The following OPTN variants were observed in gnomAD, a reference collection of about 807,000 sequenced individuals.
OPTN encodes optineurin.
Under a neutral mutation model 70.4 loss-of-function variants are expected in OPTN, and 54 were observed. That is an observed-to-expected ratio of 0.77 (90% CI 0.62 to 0.96). The LOEUF is 0.96. Among genes scored for constraint, OPTN ranks in the 40% least tolerant of loss-of-function variants. The pLI is 0.00. For missense variants in OPTN, 624 were observed against 673.2 expected (o/e 0.93, Z 0.81); for synonymous variants, 256 against 248.5 (o/e 1.03, Z -0.28).
intron 5 of OPTN, among the ~76,000 whole-genome samples, chr10:13,114,151 G>T (rs768100434): frequency 6.6e-6 from 1 of 152,016 alleles, no homozygotes; most frequent in Non-Finnish European, 1.5e-5. Context: ...GAGGAGTGGG[G>T]AACAACTTGC....
Position 13,109,254 on chromosome 10 carries a change from G to C in OPTN, c.132G>C (p.Met44Ile). 6.2e-7 allele frequency: 1 copy of C among 1,613,992 alleles called. No homozygotes were observed. The highest frequency in any genetic ancestry group is 1.6e-4 in the Middle Eastern group (1 of 6,062). The change falls in exon 3 of 15, where the codon ATG becomes ATC. Residue 44 changes from methionine (M) to isoleucine (I), a missense_variant. Coordinates refer to ENST00000378747, the MANE Select transcript of OPTN (RefSeq NM_001008212.2). ...TFTPEELLQQ[M>I]KELLTENHQL... ...CCCCGGAGGAGCTGCTGCAGCAGATGAAAGAGCTCCTGACCGAGAACCACC... is the reference window on the plus strand; with the variant it reads ...CCCCGGAGGAGCTGCTGCAGCAGATCAAAGAGCTCCTGACCGAGAACCACC...
chr10:13,121,962 TTTG>T, intron 7 of OPTN, among the ~76,000 whole-genome samples: 1 of 152,354 alleles, frequency 6.6e-6, no homozygotes, highest in African/African-American at 2.4e-5. Context: ...TGTTACTTTT[TTTG>T]TTGTCGTTTA....
chr10:13,130,643 T>C (rs1437368883), intron 12 of OPTN, among the ~76,000 whole-genome samples: 1 of 152,078 alleles, frequency 6.6e-6, no homozygotes, highest in Non-Finnish European at 1.5e-5. Context: ...TCCCTTAAAA[T>C]GATCTCTTTA....
Position 13,104,882 on chromosome 10 carries a change from C to A in OPTN, c.-163-3256C>A, listed in dbSNP as rs1832831148. ...AGCATGGGGGTGACCAGGGGCCCGA[C>A]CGCAGGACCGGGAGGCGAGTCGGCC... is the stretch of plus-strand genomic sequence containing the variant. On this transcript the variant is annotated intron_variant, in intron 1 of 14. Transcript: ENST00000378747. 3 of 299,140 alleles carry A rather than the reference C, an allele frequency of 1.0e-5. 1 individual carries two copies. The highest frequency in any genetic ancestry group is 1.9e-5 in the Non-Finnish European group (3 of 157,766). The allele number at this position is 299,140 out of a possible 1,614,324, so 18.5% of individuals were successfully genotyped here. A position where few individuals can be genotyped will look rare whatever the true frequency, so the allele number is the denominator to read the frequency against.
At chr10:13,120,291 C>T (rs1048064780) in intron 7 of OPTN, among the ~76,000 whole-genome samples, 1 of 152,136 alleles carries the variant, frequency 6.6e-6, no homozygotes, top group South Asian at 2.1e-4. Context: ...CCCGGCTGAT[C>T]TGCAACTATT....
chr10:13,100,490 G>C (rs1255750620), intron 1 of OPTN, among the ~76,000 whole-genome samples, 188 bp downstream of exon 1: 2 of 152,230 alleles, frequency 1.3e-5, no homozygotes, highest in Non-Finnish European at 2.9e-5. Flanking sequence ...CCCAAGCCTC[G>C]GCGGGTCCTG....
At chr10:13,130,361 G>A (rs1025195115) in intron 12 of OPTN, among the ~76,000 whole-genome samples, 4 of 140,596 alleles carry the variant, frequency 2.8e-5, no homozygotes, top group Admixed American at 7.9e-5. Context: ...GGAGGCAGAG[G>A]TTGCAGTGAG....
chr10:13,104,894 G>A (rs1832831753), intron 1 of OPTN: 3 of 283,254 alleles, frequency 1.1e-5, no homozygotes, highest in African/African-American at 6.8e-5. Context: ...GCAGGACCGG[G>A]AGGCGAGTCG....
rs56147136 is a variant in OPTN, at chr10:13,128,502, C to CTT, written c.1401+630_1401+631dup. 1.7e-3 allele frequency among the ~76,000 whole-genome samples: 58 copies of CTT among 33,432 alleles called. 4 individuals carry two copies. The highest frequency in any genetic ancestry group is 4.7e-3 in the East Asian group (7 of 1,504). 21.9% of individuals were successfully genotyped at this position (33,432 alleles called of 152,430 possible). On this transcript the variant is annotated intron_variant, in intron 12 of 14. Transcript: ENST00000378747. ...TTGTGAAGTGCCTTATCAAGCCTGC[C>CTT]TTTTTTTTTTTTTTTTTTTTTTTTT... is the stretch of plus-strand genomic sequence containing the variant.
chr10:13,133,797 C>A (rs1433508149), intron 14 of OPTN, among the ~76,000 whole-genome samples: 3 of 152,050 alleles, frequency 2.0e-5, no homozygotes, highest in Admixed American at 2.0e-4. Context: ...CCTGGCACGG[C>A]CACACTTTTT....
intron 12 of OPTN, among the ~76,000 whole-genome samples, chr10:13,128,306 T>C (rs1377712498): frequency 1.3e-4 from 19 of 151,592 alleles, no homozygotes; most frequent in Admixed American, 1.2e-3. Context: ...TTCACTCCCA[T>C]CAACAGAGAG....
rs950291199 is a variant in OPTN, at chr10:13,125,976, C to A, written c.1179C>A (p.His393Gln). 6.2e-7 allele frequency: 1 copy of A among 1,611,968 alleles called. No individual in the cohort carries two copies. Among genetic ancestry groups the A allele is most frequent in the Admixed American group, 1.7e-5 (1 of 59,988 alleles). ...AATTAACTGTGCTACAGATGACACA[C>A]AACAAGCTTCTTCAAGAACATAATA... ...KSKLTVLQMT[H>Q]NKLLQEHNNA... The change falls in exon 11 of 15, where the codon CAC (histidine) becomes CAA (glutamine). Residue 393 changes from histidine to glutamine, a missense_variant. His to Gln is a conservative substitution (Grantham distance 24, BLOSUM62 0). Coordinates refer to ENST00000378747, the MANE Select transcript of OPTN (RefSeq NM_001008212.2).
intron 11 of OPTN, 38 bp downstream of exon 11, chr10:13,126,077 T>A: frequency 8.2e-7 from 1 of 1,215,002 alleles, no homozygotes; most frequent in Non-Finnish European, 1.2e-6. Flanking sequence ...AGCCTAGTAA[T>A]GAACAGAAAC....
In OPTN at chr10:13,114,814, T is replaced by TTATATAATTATATATACGTA. The variant is rs1554768964; in HGVS notation, c.553-1439_553-1438insTACGTATATATAATTATATA. Among the ~76,000 whole-genome samples the TTATATAATTATATATACGTA allele has an allele frequency of 1.1e-3, 73 of 66,696 alleles. 4 individuals are homozygous for TTATATAATTATATATACGTA. The highest frequency in any genetic ancestry group is 4.7e-3 in the African/African-American group (71 of 15,202). 43.8% of individuals were successfully genotyped at this position (66,696 alleles called of 152,430 possible). On this transcript the variant is annotated intron_variant, in intron 5 of 14. Transcript: ENST00000378747. ...TATAATTATATATACATATATATAA[T>TTATATAATTATATATACGTA]TATATAATTATATAATTATATAATT...
In OPTN at chr10:13,122,507, G is replaced by A. The variant is rs758172702; in HGVS notation, c.882+20G>A. 35 of 1,500,026 alleles carry A rather than the reference G, an allele frequency of 2.3e-5. No individual in the cohort carries two copies. Among genetic ancestry groups the A allele is most frequent in the Non-Finnish European group, 2.7e-5 (29 of 1,076,018 alleles). The allele number at this position is 1,500,026 out of a possible 1,614,324, so 92.9% of individuals were successfully genotyped here. ...GAGACTGTGAGTCCTAAGATTCCAC[G>A]GCCACTACCACACCCACACACACGA... is the stretch of plus-strand genomic sequence containing the variant. On this transcript the variant is annotated intron_variant, in intron 8 of 14. Transcript: ENST00000378747.
At chr10:13,108,911 C>CACAT in intron 2 of OPTN, 1 of 465,668 alleles carries the variant, frequency 2.1e-6, no homozygotes, top group Non-Finnish European at 3.9e-6. Context: ...CATGCGCGTG[C>CACAT]ACACACACAC....
intron 3 of OPTN, chr10:13,109,789 C>G (rs1033613504): frequency 2.6e-5 from 4 of 156,756 alleles, no homozygotes; most frequent in Non-Finnish European, 5.0e-5. Context: ...GAGCCATGAT[C>G]GTGCCACTGC....
rs7919563 is a variant in OPTN, at chr10:13,128,292, A to T, written c.1401+389A>T. Among the ~76,000 whole-genome samples the T allele has an allele frequency of 3.3e-5, 5 of 151,934 alleles. No individual in the cohort carries two copies. The East Asian group carries it at 9.7e-4, about 29-fold the overall frequency. ...AACAGTTTTCCAGAGTGGTTGGACC[A>T]GTTTTCACTCCCATCAACAGAGAGT... On this transcript the variant is annotated intron_variant, in intron 12 of 14. Transcript: ENST00000378747.
Sources: allele counts gnomAD v4.1 joint callset (sites outside exome capture counted in the v4.1 genomes callset), GRCh38; gene constraint gnomAD v4.1.1; transcripts MANE v1.5; gene names NCBI Gene and HGNC (gene_info 2026-07-23, HGNC 2026-07-21).